COL25A1: variants seen among roughly 807,000 people sequenced by gnomAD.
COL25A1 encodes the protein collagen alpha-1(XXV) chain.
COL25A1 carries 103 observed loss-of-function variants against 128.4 expected under a neutral mutation model. The ratio of observed to expected loss-of-function variants is 0.80; its 90% CI spans 0.68 to 0.94. The LOEUF (loss-of-function observed/expected upper bound fraction) is 0.94. COL25A1 is among the 40% of genes least tolerant of loss of function. The probability of loss-of-function intolerance (pLI) is 0.00; values close to 1 mark genes in which losing one functional copy is unlikely to be tolerated. For missense variants in COL25A1, 745 were observed against 840.0 expected, an observed-to-expected ratio of 0.89 and a Z score of 1.40; for synonymous variants, 279 against 277.2, an observed-to-expected ratio of 1.01 and a Z score of -0.06.
At chr4:109,114,646 C>T (rs1444967535) in intron 3 of COL25A1, among the ~76,000 whole-genome samples, 1 of 152,072 alleles carries the variant, frequency 6.6e-6, no homozygotes, top group Non-Finnish European at 1.5e-5. Flanking sequence ...GGATGCAACA[C>T]ATTTACCAAG....
chr4:108,986,588 T>G (rs4956229), intron 6 of COL25A1, among the ~76,000 whole-genome samples: 121,016 of 152,084 alleles, frequency 0.8, 49,312 homozygotes, highest in East Asian at 1. Context: ...TCTAAATATA[T>G]AATAAATGTC....
At chr4:109,001,424 G>GCTGAGATCCTGTCAGGTAGTCATC (rs1561003582) in intron 6 of COL25A1, among the ~76,000 whole-genome samples, 1 of 18,414 alleles carries the variant, frequency 5.4e-5, no homozygotes, top group Non-Finnish European at 1.7e-4. Context: ...CAGGTAGGCA[G>GCTGAGATCCTGTCAGGTAGTCATC]TGAGCTAGAG....
At chr4:109,083,963 T>G (rs982110669) in intron 3 of COL25A1, among the ~76,000 whole-genome samples, 1 of 152,116 alleles carries the variant, frequency 6.6e-6, no homozygotes, top group Admixed American at 6.6e-5. Context: ...AAAAACAACT[T>G]AAATTAAAAG....
chr4:109,196,345 T>A (rs916192397), intron 3 of COL25A1, among the ~76,000 whole-genome samples: 1 of 152,154 alleles, frequency 6.6e-6, no homozygotes, highest in African/African-American at 2.4e-5. Flanking sequence ...TAGTTTATAG[T>A]GTATGAGAGA....
intron 18 of COL25A1, among the ~76,000 whole-genome samples, chr4:108,887,496 T>C (rs1740972902): frequency 6.6e-6 from 1 of 152,192 alleles, no homozygotes; most frequent in South Asian, 2.1e-4. Flanking sequence ...AAAGTGGGAT[T>C]GTATCAAAGG....
intron 8 of COL25A1, among the ~76,000 whole-genome samples, chr4:108,952,550 G>T (rs1465629110): frequency 1.3e-5 from 2 of 152,096 alleles, no homozygotes; most frequent in African/African-American, 4.8e-5. Context: ...GTTTTTAATT[G>T]TCAAAAAGTC....
intron 3 of COL25A1, among the ~76,000 whole-genome samples, chr4:109,276,466 C>T (rs1421991406): frequency 6.6e-6 from 1 of 151,744 alleles, no homozygotes; most frequent in African/African-American, 2.4e-5. Context: ...CAGTACTTGC[C>T]ATAGTAGGTG....
intron 11 of COL25A1, 129 bp from the exon 12 acceptor site, chr4:108,920,733 G>A (rs1210858189): frequency 2.5e-5 from 11 of 431,970 alleles, no homozygotes; most frequent in East Asian, 8.6e-5. Context: ...CATATATCAG[G>A]AAAAAAAAAG....
At chr4:109,292,290 A>T (rs1724548073) in intron 3 of COL25A1, among the ~76,000 whole-genome samples, 1 of 152,118 alleles carries the variant, frequency 6.6e-6, no homozygotes, top group South Asian at 2.1e-4. Flanking sequence ...TCAGCCTTTT[A>T]AAGAAATGTT....
chr4:109,113,470 A>C (rs1254750808), intron 3 of COL25A1, among the ~76,000 whole-genome samples: 1 of 152,108 alleles, frequency 6.6e-6, no homozygotes, highest in Non-Finnish European at 1.5e-5. Flanking sequence ...TAGTTTAAAT[A>C]TTATTACATT....
chr4:109,291,833 G>C (rs1211918862), intron 3 of COL25A1, among the ~76,000 whole-genome samples: 1 of 152,048 alleles, frequency 6.6e-6, no homozygotes, highest in African/African-American at 2.4e-5. Flanking sequence ...CTAACGAACA[G>C]TACCATGCTC....
chr4:109,103,502 A>C (rs916298080), intron 3 of COL25A1, among the ~76,000 whole-genome samples: 1 of 151,876 alleles, frequency 6.6e-6, no homozygotes, highest in Non-Finnish European at 1.5e-5. Flanking sequence ...GGTCATGCTT[A>C]TAAGTCACCA....
At chr4:109,226,336 A>G (rs1415457975) in intron 3 of COL25A1, among the ~76,000 whole-genome samples, 8 of 152,146 alleles carry the variant, frequency 5.3e-5, no homozygotes, top group Admixed American at 5.2e-4. Flanking sequence ...CAATATATCC[A>G]TGTGACAAAA....
intron 3 of COL25A1, among the ~76,000 whole-genome samples, chr4:109,192,700 A>C (rs1775716159): frequency 6.6e-6 from 1 of 152,056 alleles, no homozygotes; most frequent in Non-Finnish European, 1.5e-5. Flanking sequence ...AAAATTACAA[A>C]AAAATTAGCC....
In COL25A1 at chr4:109,207,931, T is replaced by C. The variant is rs189771254; in HGVS notation, c.367+92652A>G. Among the ~76,000 whole-genome samples the C allele has an allele frequency of 1.3e-3, 192 of 152,330 alleles. 2 individuals carry two copies. The highest frequency in any genetic ancestry group is 4.3e-3 in the African/African-American group (177 of 41,576). On this transcript the variant is annotated intron_variant, in intron 3 of 37. Transcript: ENST00000399132. Reference sequence around the variant, plus strand: ...TTTGAAAATGGTTGCCAAGACACTCTTAAACTTTTTCCAAAATCATTGAAA... The same window carrying C: ...TTTGAAAATGGTTGCCAAGACACTCCTAAACTTTTTCCAAAATCATTGAAA...
intron 3 of COL25A1, among the ~76,000 whole-genome samples, chr4:109,109,439 G>A (rs1381146779): frequency 6.6e-6 from 1 of 152,014 alleles, no homozygotes; most frequent in African/African-American, 2.4e-5. Flanking sequence ...TGCCATGTTG[G>A]CCAGGTTGGT....
rs1010365534 is a variant in COL25A1 at position 108,812,407 on chromosome 4, T to G, written c.*1520A>C. 2 of 152,170 alleles carry G rather than the reference T, an allele frequency of 1.3e-5. No homozygotes were observed. The highest frequency in any genetic ancestry group is 2.9e-5 in the Non-Finnish European group (2 of 68,018). 9.4% of individuals were successfully genotyped at this position (152,170 alleles called of 1,614,324 possible). On this transcript the variant is annotated 3_prime_UTR_variant, in exon 38 of 38. Coordinates refer to ENST00000399132, the MANE Select transcript of COL25A1 (RefSeq NM_198721.4). ...GCTTTATATTAACTGATAATCTCCA[T>G]GTACGTTACATTCATCATGTAAAAA...
chr4:109,185,764 T>G (rs1775075941), intron 3 of COL25A1, among the ~76,000 whole-genome samples: 1 of 152,096 alleles, frequency 6.6e-6, no homozygotes, highest in African/African-American at 2.4e-5. Context: ...CCTCTCCCTT[T>G]CCCTGTCCCA....
At chr4:108,984,650 G>A (rs370519945) in intron 6 of COL25A1, among the ~76,000 whole-genome samples, 30 of 152,322 alleles carry the variant, frequency 2.0e-4, no homozygotes, top group African/African-American at 7.0e-4. Context: ...TCCGAAGTGC[G>A]GGGTTCGCTG....
Sources: allele counts gnomAD v4.1 joint callset (sites outside exome capture counted in the v4.1 genomes callset), GRCh38; gene constraint gnomAD v4.1.1; transcripts MANE v1.5; gene names NCBI Gene and HGNC (gene_info 2026-07-23, HGNC 2026-07-21).